The following PDZD8 variants were observed in gnomAD, a reference collection of about 807,000 sequenced individuals.
PDZD8 encodes PDZ domain containing 8, also known as PDZ domain-containing protein 8.
In PDZD8, 14 loss-of-function variants were observed where a neutral mutation model predicts 85.8. That is an observed-to-expected ratio of 0.16 (90% CI 0.11 to 0.26). PDZD8 has a LOEUF of 0.26. PDZD8 is among the 10% of genes least tolerant of loss of function. The probability of loss-of-function intolerance (pLI) is 1.00; values close to 1 mark genes in which losing one functional copy is unlikely to be tolerated. For synonymous variants in PDZD8, 592 were observed against 568.6 expected, an observed-to-expected ratio of 1.04 and a Z score of -0.59; for missense variants, 1,197 against 1,424.3, an observed-to-expected ratio of 0.84 and a Z score of 2.57.
At chr10:117,373,604 C>CA (rs796930758) in intron 1 of PDZD8, among the ~76,000 whole-genome samples, 4,175 of 52,414 alleles carry the variant, frequency 0.08, 233 homozygotes, top group Middle Eastern at 0.11. Context: ...CTAAAAAATA[C>CA]AAAAAAAAAA....
chr10:117,305,497 C>CAT, intron 3 of PDZD8, among the ~76,000 whole-genome samples: 1 of 148,224 alleles, frequency 6.7e-6, no homozygotes, highest in Non-Finnish European at 1.5e-5. Flanking sequence ...CACACACACA[C>CAT]ACACACACAC....
At chr10:117,300,180 T>G (rs1843823845) in intron 3 of PDZD8, among the ~76,000 whole-genome samples, 1 of 152,166 alleles carries the variant, frequency 6.6e-6, no homozygotes, top group Non-Finnish European at 1.5e-5. Flanking sequence ...GGGCCTGCTA[T>G]TCCCTCATTT....
At chr10:117,367,461 A>G (rs1361452572) in intron 1 of PDZD8, among the ~76,000 whole-genome samples, 1 of 152,104 alleles carries the variant, frequency 6.6e-6, no homozygotes, top group East Asian at 1.9e-4. Flanking sequence ...CAAAATGACT[A>G]TTCTCCCCTC....
chr10:117,337,185 A>G (rs1468587219), intron 2 of PDZD8, among the ~76,000 whole-genome samples: 3 of 152,078 alleles, frequency 2.0e-5, no homozygotes, highest in African/African-American at 4.8e-5. Context: ...TTGATCTAAT[A>G]TATCTTCTGC....
chr10:117,281,001 G>T lies in PDZD8; in HGVS notation c.*2267C>A, dbSNP rs993036872. 1.3e-5 allele frequency: 2 copies of T among 152,182 alleles called. No individual in the cohort carries two copies. The highest frequency in any genetic ancestry group is 3.8e-4 in the East Asian group (2 of 5,200). The allele number at this position is 152,182 out of a possible 1,614,324, so 9.4% of individuals were successfully genotyped here. A position where few individuals can be genotyped will look rare whatever the true frequency, so the allele number is the denominator to read the frequency against. On this transcript the variant is annotated 3_prime_UTR_variant, in exon 5 of 5. Coordinates refer to ENST00000334464, the MANE Select transcript of PDZD8 (RefSeq NM_173791.5). The stretch of plus-strand genomic sequence containing the variant: ...ACACACTGAGCAGATTGCCTCAAGT[G>T]TAAGTTATGGAACAATACTTTAGCT...
At position 117,277,388 on chromosome 10, in the gene PDZD8, G is replaced by T. The variant is rs776150886; in HGVS notation, c.*5880C>A. On this transcript the variant is annotated 3_prime_UTR_variant, in exon 5 of 5. Coordinates refer to ENST00000334464, the MANE Select transcript of PDZD8 (RefSeq NM_173791.5). Reference sequence around the variant, plus strand: ...CCCTGGTGAAAGAGTAAAACCAAAGGTTATTATTTCCTTTCCATGGTTATG... The same window carrying T: ...CCCTGGTGAAAGAGTAAAACCAAAGTTTATTATTTCCTTTCCATGGTTATG... 2 of 537,022 alleles carry T rather than the reference G, an allele frequency of 3.7e-6. No homozygotes were observed. Among genetic ancestry groups the T allele is most frequent in the African/African-American group, 2.0e-5 (1 of 51,046 alleles). 33.3% of individuals were successfully genotyped at this position (537,022 alleles called of 1,614,324 possible). A position where few individuals can be genotyped will look rare whatever the true frequency, so the allele number is the denominator to read the frequency against.
At chr10:117,330,028 AGGAGGGAGGGAG>A (rs1297475212) in intron 2 of PDZD8, among the ~76,000 whole-genome samples, 1 of 52,362 alleles carries the variant, frequency 1.9e-5, no homozygotes, top group African/African-American at 9.7e-5. Flanking sequence ...GAGGGAGGGA[AGGAGGGAGGGAG>A]GGAGGGAGGG....
intron 2 of PDZD8, among the ~76,000 whole-genome samples, chr10:117,333,410 T>C (rs1844464030): frequency 6.6e-6 from 1 of 152,174 alleles, no homozygotes; most frequent in Non-Finnish European, 1.5e-5. Flanking sequence ...CAGATTTAGC[T>C]AGATATTTTT....
chr10:117,300,636 T>G (rs1360923201), intron 3 of PDZD8, among the ~76,000 whole-genome samples: 2 of 152,130 alleles, frequency 1.3e-5, no homozygotes, highest in Non-Finnish European at 2.9e-5. Context: ...TGTTCCCCCA[T>G]CCCCAACCTT....
At chr10:117,307,853 T>C (rs1044514298) in intron 3 of PDZD8, among the ~76,000 whole-genome samples, 1 of 152,090 alleles carries the variant, frequency 6.6e-6, no homozygotes, top group African/African-American at 2.4e-5. Context: ...ACTTACCTGT[T>C]TGAAGGCAAA....
In PDZD8 at chr10:117,374,921, G is replaced by A; in HGVS notation, c.307C>T (p.Leu103=). The A allele has an allele frequency of 6.2e-7, 1 of 1,613,486 alleles. No individual in the cohort carries two copies. The highest frequency in any genetic ancestry group is 8.5e-7 in the Non-Finnish European group (1 of 1,179,844). Residue 103 remains leucine, a synonymous_variant, in exon 1 of 5, where the codon CTA becomes TTA. Coordinates refer to ENST00000334464, the MANE Select transcript of PDZD8 (RefSeq NM_173791.5). The surrounding 1 kb of genome is among the most constrained non-coding windows in gnomAD (Gnocchi z 7.8). ...TCCCGCAACTCCCGGAACAGGAATA[G>A]GATGGTGGCGTTGAGGAAGTAGCAA... ...ETCYFLNATI[L]FLFRELRDTA... is the part of the protein sequence containing the mutation.
intron 2 of PDZD8, among the ~76,000 whole-genome samples, chr10:117,336,603 A>G (rs1403422271): frequency 2.0e-5 from 3 of 152,066 alleles, no homozygotes; most frequent in Non-Finnish European, 2.9e-5. Context: ...TAAATGCAGA[A>G]CAGCTTGTTA....
chr10:117,366,413 T>C (rs1235104602), intron 1 of PDZD8, among the ~76,000 whole-genome samples: 1 of 152,164 alleles, frequency 6.6e-6, no homozygotes, highest in African/African-American at 2.4e-5. Flanking sequence ...TGTACACATA[T>C]ATAGCTTCTT....
intron 1 of PDZD8, among the ~76,000 whole-genome samples, chr10:117,370,953 T>TGTGTGTGTG (rs1564716335): frequency 3.3e-5 from 5 of 149,510 alleles, no homozygotes; most frequent in African/African-American, 4.9e-5. Context: ...TGTGTGTGTG[T>TGTGTGTGTG]TTAAAGGTGG....
At position 117,283,700 on chromosome 10, in the gene PDZD8, ACT is replaced by A. The variant is rs1844606486; in HGVS notation, c.3031_3032del (p.Ser1011CysfsTer6). ...LVRKEGGLDD[S>X]VFIAVKEIGR... ...CAATTTCTTTAACTGCAATGAAAAC[ACT>A]GTCATCCAGACCACCCTCTTTTCTC... On this transcript the variant is annotated frameshift_variant, in exon 5 of 5. Transcript: ENST00000334464. LOFTEE classifies it high-confidence loss of function. The A allele has an allele frequency of 6.2e-7, 1 of 1,614,066 alleles. No individual in the cohort carries two copies. Among genetic ancestry groups the A allele is most frequent in the Non-Finnish European group, 8.5e-7 (1 of 1,180,044 alleles).
intron 2 of PDZD8, among the ~76,000 whole-genome samples, chr10:117,323,997 G>A (rs566484594): frequency 2.6e-5 from 4 of 152,122 alleles, no homozygotes; most frequent in African/African-American, 4.8e-5. Flanking sequence ...GGGGGCCAAG[G>A]AGGGTGGATC....
In PDZD8 at chr10:117,357,822, G is replaced by C. The variant is rs796179910; in HGVS notation, c.872+16534C>G. ...AAAAAAAAAAAAAAAAAAAAAAAAA[G>C]GCCTACACGATCAGGAAAATGTGAA... On this transcript the variant is annotated intron_variant, in intron 1 of 4. Transcript: ENST00000334464. 6.7e-5 allele frequency among the ~76,000 whole-genome samples: 7 copies of C among 104,096 alleles called. No individual in the cohort carries two copies. The East Asian group carries it at 2.1e-3, about 31-fold the overall frequency. The allele number at this position is 104,096 out of a possible 152,430, so 68.3% of individuals were successfully genotyped here.
intron 2 of PDZD8, among the ~76,000 whole-genome samples, chr10:117,319,291 G>A (rs536180026): frequency 2.3e-4 from 35 of 151,896 alleles, no homozygotes; most frequent in South Asian, 4.2e-4. Flanking sequence ...CTTCAAAACA[G>A]ACTGTTGAAT....
intron 4 of PDZD8, among the ~76,000 whole-genome samples, chr10:117,287,825 G>C (rs1844692802): frequency 6.6e-6 from 1 of 152,160 alleles, no homozygotes; most frequent in Non-Finnish European, 1.5e-5. Flanking sequence ...TGGAAATTCA[G>C]AGCTTTCTAA....
Sources: gnomAD v4.1 joint callset for allele counts (sites outside exome capture counted in the v4.1 genomes callset) on GRCh38, gnomAD v4.1.1 for gene constraint, Gnocchi (gnomAD v3.1) non-coding constraint, MANE v1.5 for transcripts, NCBI Gene and HGNC (gene_info 2026-07-23, HGNC 2026-07-21) for gene names.